SIM1: variants seen among roughly 807,000 people sequenced by gnomAD.
The protein encoded by SIM1 is single-minded homolog 1.
Under a neutral mutation model 78.2 loss-of-function variants are expected in SIM1, and 18 were observed. The observed-to-expected ratio is 0.23, with a 90% confidence interval of 0.16 to 0.34. The LOEUF (loss-of-function observed/expected upper bound fraction) is 0.34. Among genes scored for constraint, SIM1 ranks in the 10% least tolerant of loss-of-function variants. The pLI, the probability that SIM1 is intolerant of heterozygous loss-of-function variation, is 1.00. For missense variants in SIM1, 939 were observed against 975.1 expected, an observed-to-expected ratio of 0.96 and a Z score of 0.49; for synonymous variants, 417 against 385.2, an observed-to-expected ratio of 1.08 and a Z score of -0.97.
chr6:100,444,045 A>T (rs1772287791), intron 9 of SIM1, among the ~76,000 whole-genome samples: 1 of 152,108 alleles, frequency 6.6e-6, no homozygotes, highest in African/African-American at 2.4e-5. Flanking sequence ...TAGTCTGAAA[A>T]CATAAATAGA....
intron 2 of SIM1, chr6:100,463,017 T>C (rs1306347629): frequency 1.1e-5 from 4 of 363,426 alleles, no homozygotes; most frequent in South Asian, 8.7e-5. Context: ...GCCTAGTATC[T>C]GAAGTGTTGA....
At chr6:100,399,164 T>C (rs1045613544) in intron 10 of SIM1, among the ~76,000 whole-genome samples, 8 of 152,112 alleles carry the variant, frequency 5.3e-5, no homozygotes, top group African/African-American at 1.7e-4. Flanking sequence ...TGAGTTGCTA[T>C]AGCTTTATTT....
chr6:100,451,076 G>A (rs1295656464), intron 3 of SIM1, among the ~76,000 whole-genome samples: 2 of 152,208 alleles, frequency 1.3e-5, no homozygotes, highest in African/African-American at 4.8e-5. Context: ...AGTCCAGGCA[G>A]AGACAAGAGG....
Position 100,449,352 on chromosome 6 carries a change from C to T in SIM1, c.543+11G>A. On this transcript the variant is annotated intron_variant, in intron 6 of 11. Transcript: ENST00000369208. The stretch of plus-strand genomic sequence containing the variant: ...CTGACTCCACCCGGAGCGGATCTTC[C>T]AGCTACGCACCTTGTAGCCGCCACA... 1 of 1,609,460 alleles carries T rather than the reference C, an allele frequency of 6.2e-7. No homozygotes were observed. The highest frequency in any genetic ancestry group is 8.5e-7 in the Non-Finnish European group (1 of 1,176,160).
At chr6:100,400,829 G>T (rs1307149092) in intron 10 of SIM1, among the ~76,000 whole-genome samples, 2 of 152,094 alleles carry the variant, frequency 1.3e-5, no homozygotes, top group African/African-American at 4.8e-5. Context: ...GAGTAGTTGA[G>T]TTAGAAAATA....
intron 11 of SIM1, among the ~76,000 whole-genome samples, chr6:100,391,843 T>C (rs1211100609): frequency 6.6e-6 from 1 of 152,156 alleles, no homozygotes; most frequent in African/African-American, 2.4e-5. Context: ...GGTAATCATA[T>C]AGTAACTCAG....
intron 9 of SIM1, among the ~76,000 whole-genome samples, chr6:100,422,405 T>A (rs1033176833): frequency 1.3e-5 from 2 of 152,146 alleles, no homozygotes; most frequent in African/African-American, 2.4e-5. Context: ...GGGTTTGCCA[T>A]GTTGGCCAGG....
intron 10 of SIM1, among the ~76,000 whole-genome samples, chr6:100,396,971 A>T (rs1420496090): frequency 6.6e-6 from 1 of 152,158 alleles, no homozygotes; most frequent in Non-Finnish European, 1.5e-5. Context: ...ATAATATAAT[A>T]ACTATTTGGT....
At chr6:100,425,156 T>A (rs1296499748) in intron 9 of SIM1, among the ~76,000 whole-genome samples, 1 of 152,178 alleles carries the variant, frequency 6.6e-6, no homozygotes, top group Non-Finnish European at 1.5e-5. Context: ...TGCTTCTTCC[T>A]CATTTTCTCT....
intron 9 of SIM1, among the ~76,000 whole-genome samples, chr6:100,427,858 G>A (rs1227675717): frequency 2.0e-5 from 3 of 152,152 alleles, no homozygotes; most frequent in African/African-American, 7.2e-5. Context: ...TATCTTGATA[G>A]CCTCTTTCTA....
At chr6:100,400,750 C>T in intron 10 of SIM1, among the ~76,000 whole-genome samples, 1 of 152,114 alleles carries the variant, frequency 6.6e-6, no homozygotes, top group African/African-American at 2.4e-5. Context: ...GGCAAACACA[C>T]TAGCTAATAA....
intron 9 of SIM1, among the ~76,000 whole-genome samples, chr6:100,428,950 G>A (rs1028996548): frequency 6.6e-6 from 1 of 151,986 alleles, no homozygotes; most frequent in Non-Finnish European, 1.5e-5. Context: ...CTCACTTATT[G>A]TTGGACTACA....
At position 100,393,732 on chromosome 6, in the gene SIM1, C is replaced by T; in HGVS notation, c.1325G>A (p.Arg442His). The change falls in exon 11 of 12, where the codon CGC becomes CAC. Residue 442 changes from arginine (R) to histidine (H), a missense_variant. Physicochemically the swap from Arg to His is conservative, Grantham distance 29. Around this residue, in one of 5 missense-constraint regions of SIM1, gnomAD observed 556 missense variants for 521.9 expected, o/e 1.07. Transcript: ENST00000369208. ...ASCAYRQFSD[R>H]SSLCYGFALD... is the part of the protein sequence containing the mutation. ...CGCAAAGCCATAGCAGAGAGAGCTG[C>T]GGTCCGAAAACTGTCTGTAGGCGCA... The T allele has an allele frequency of 6.2e-7, 1 of 1,614,210 alleles. No individual in the cohort carries two copies. The highest frequency in any genetic ancestry group is 8.5e-7 in the Non-Finnish European group (1 of 1,180,028).
intron 10 of SIM1, among the ~76,000 whole-genome samples, chr6:100,405,555 A>AT (rs1228894918): frequency 3.3e-5 from 5 of 151,986 alleles, no homozygotes; most frequent in Admixed American, 6.6e-5. Context: ...ATTTATCCTG[A>AT]TTTTTTTACC....
At chr6:100,424,808 A>G (rs1027764066) in intron 9 of SIM1, among the ~76,000 whole-genome samples, 10 of 152,184 alleles carry the variant, frequency 6.6e-5, no homozygotes, top group African/African-American at 1.2e-4. Flanking sequence ...AGAACATAGT[A>G]AATGCTCAAT....
intron 10 of SIM1, among the ~76,000 whole-genome samples, chr6:100,406,165 G>T (rs1171105248): frequency 6.6e-6 from 1 of 152,142 alleles, no homozygotes; most frequent in Non-Finnish European, 1.5e-5. Context: ...TAAAATCCTG[G>T]ATTTCCAGAA....
At chr6:100,432,933 A>C (rs956861963) in intron 9 of SIM1, among the ~76,000 whole-genome samples, 1 of 152,174 alleles carries the variant, frequency 6.6e-6, no homozygotes, top group Non-Finnish European at 1.5e-5. Context: ...CATTTACCCA[A>C]GTTGCTCAGG....
At chr6:100,400,570 A>G (rs1770890556) in intron 10 of SIM1, among the ~76,000 whole-genome samples, 1 of 152,152 alleles carries the variant, frequency 6.6e-6, no homozygotes, top group African/African-American at 2.4e-5. Context: ...CAGACCTATG[A>G]GATACACAGC....
intron 9 of SIM1, among the ~76,000 whole-genome samples, chr6:100,435,995 C>CACACACACACACACAG (rs1772037670): frequency 1.5e-5 from 1 of 68,060 alleles, no homozygotes; most frequent in Non-Finnish European, 3.2e-5. Context: ...CCATACACAT[C>CACACACACACACACAG]ACACACACAC....
Sources: gnomAD v4.1 joint callset for allele counts (sites outside exome capture counted in the v4.1 genomes callset) on GRCh38, gnomAD v4.1.1 for gene constraint, gnomAD v4.1.1 regional missense constraint, MANE v1.5 for transcripts, NCBI Gene and HGNC (gene_info 2026-07-23, HGNC 2026-07-21) for gene names.